The following JPH1 variants were observed in gnomAD, a reference collection of about 807,000 sequenced individuals.
JPH1 encodes junctophilin-1.
In JPH1, 12 loss-of-function variants were observed where a neutral mutation model predicts 53.6. That is an observed-to-expected ratio of 0.22 (90% CI 0.14 to 0.36). JPH1 has a LOEUF of 0.36. JPH1 is among the 10% of genes least tolerant of loss of function. The pLI, the probability that JPH1 is intolerant of heterozygous loss-of-function variation, is 1.00. For synonymous variants in JPH1, 375 were observed against 363.8 expected, an observed-to-expected ratio of 1.03 and a Z score of -0.35; for missense variants, 808 against 905.5, an observed-to-expected ratio of 0.89 and a Z score of 1.38.
intron 2 of JPH1, among the ~76,000 whole-genome samples, chr8:74,261,167 T>G (rs1806385187): frequency 1.3e-5 from 2 of 152,148 alleles, no homozygotes. Context: ...GATACTGTAG[T>G]GGGGGACATT....
chr8:74,290,813 C>T (rs1807302959), intron 2 of JPH1, among the ~76,000 whole-genome samples: 1 of 152,128 alleles, frequency 6.6e-6, no homozygotes, highest in Non-Finnish European at 1.5e-5. Context: ...ACAGAGCCCT[C>T]AGAAATAATA....
At chr8:74,319,604 T>C (rs1407237235) in intron 1 of JPH1, among the ~76,000 whole-genome samples, 1 of 152,242 alleles carries the variant, frequency 6.6e-6, no homozygotes, top group African/African-American at 2.4e-5. Context: ...TCTACCATTC[T>C]GCCATTTTGC....
intron 2 of JPH1, among the ~76,000 whole-genome samples, chr8:74,299,010 G>A (rs1263846768): frequency 3.9e-5 from 6 of 152,260 alleles, no homozygotes; most frequent in African/African-American, 1.4e-4. Flanking sequence ...CCACGAAGAC[G>A]ACACTGCCCA....
chr8:74,287,949 A>ACAAATAT (rs1268375072), intron 2 of JPH1, among the ~76,000 whole-genome samples: 3 of 151,692 alleles, frequency 2.0e-5, no homozygotes, highest in African/African-American at 7.3e-5. Context: ...TACTTGTTTT[A>ACAAATAT]GCTGACAATA....
Position 74,236,596 on chromosome 8 carries a change from TC to T in JPH1, c.*454del. On this transcript the variant is annotated 3_prime_UTR_variant, in exon 6 of 6. Coordinates refer to ENST00000342232, the MANE Select transcript of JPH1 (RefSeq NM_020647.4). Reference sequence around the variant, plus strand: ...CGACCGCATTCCTCGGGCAGTCGTTTCCCCAGCTCCCTACTAAAAACGTCAG... The same window carrying T: ...CGACCGCATTCCTCGGGCAGTCGTTTCCCAGCTCCCTACTAAAAACGTCAG... 1 of 150,622 alleles carries T rather than the reference TC, an allele frequency of 6.6e-6. No individual in the cohort carries two copies. Among genetic ancestry groups the T allele is most frequent in the Non-Finnish European group, 1.5e-5 (1 of 67,728 alleles). The allele number at this position is 150,622 out of a possible 1,614,324, so 9.3% of individuals were successfully genotyped here.
rs143960627 is a variant in JPH1, at chr8:74,268,504, C to T, written c.1140-9001G>A. On this transcript the variant is annotated intron_variant, in intron 2 of 5. Transcript: ENST00000342232. ...CCTTTGGACCAGAGGAAATAGACAG[C>T]GTGAAGTTAGGAACAAGTGAAAAAT... Among the ~76,000 whole-genome samples the T allele has an allele frequency of 1.4e-4, 21 of 152,024 alleles. No homozygotes were observed. In the East Asian group the frequency reaches 3.5e-3, roughly 25 times the overall value.
intron 3 of JPH1, among the ~76,000 whole-genome samples, chr8:74,245,899 C>G (rs1586732412): frequency 8.1e-6 from 1 of 124,018 alleles, no homozygotes; most frequent in African/African-American, 3.1e-5. Flanking sequence ...ATTCTTCTGA[C>G]AGAGGAGGAA....
intron 2 of JPH1, among the ~76,000 whole-genome samples, chr8:74,271,145 G>A (rs1806686975): frequency 2.0e-5 from 3 of 152,270 alleles, no homozygotes; most frequent in Middle Eastern, 6.8e-3. Context: ...TTTCCACGAG[G>A]CAGGAATTTC....
At chr8:74,252,495 A>G in intron 3 of JPH1, among the ~76,000 whole-genome samples, 1 of 152,154 alleles carries the variant, frequency 6.6e-6, no homozygotes, top group Admixed American at 6.5e-5. Context: ...ACTAATGAGC[A>G]AAATAACCAG....
chr8:74,265,843 T>C (rs1196219586), intron 2 of JPH1, among the ~76,000 whole-genome samples: 1 of 151,388 alleles, frequency 6.6e-6, no homozygotes, highest in African/African-American at 2.4e-5. Flanking sequence ...GACACAAATG[T>C]CCAATAAGCA....
intron 3 of JPH1, among the ~76,000 whole-genome samples, chr8:74,248,664 T>C (rs1303728368): frequency 6.6e-6 from 1 of 152,198 alleles, no homozygotes; most frequent in Non-Finnish European, 1.5e-5. Context: ...AATGAGGATA[T>C]ACAGTTAGAT....
chr8:74,252,221 A>G (rs1220895982), intron 3 of JPH1, among the ~76,000 whole-genome samples: 2 of 152,214 alleles, frequency 1.3e-5, no homozygotes, highest in Non-Finnish European at 2.9e-5. Context: ...TAAAAACCCT[A>G]GAAGAAAACC....
At chr8:74,293,889 G>T (rs1807415082) in intron 2 of JPH1, among the ~76,000 whole-genome samples, 1 of 152,156 alleles carries the variant, frequency 6.6e-6, no homozygotes, top group Admixed American at 6.5e-5. Context: ...GGAAGACAAA[G>T]ACACCGGGGG....
intron 2 of JPH1, among the ~76,000 whole-genome samples, chr8:74,272,143 T>A (rs1806717904): frequency 6.6e-6 from 1 of 152,294 alleles, no homozygotes; most frequent in East Asian, 1.9e-4. Context: ...CCTAAAATAA[T>A]CAACCCTGGC....
At chr8:74,308,756 A>C (rs1807907366) in intron 2 of JPH1, among the ~76,000 whole-genome samples, 1 of 152,164 alleles carries the variant, frequency 6.6e-6, no homozygotes, top group Admixed American at 6.5e-5. Context: ...GAAAACTTCC[A>C]CTATGAAGGA....
chr8:74,252,451 A>G lies in JPH1; in HGVS notation c.1258+6934T>C, dbSNP rs186327407. On this transcript the variant is annotated intron_variant, in intron 3 of 5. Coordinates refer to ENST00000342232, the MANE Select transcript of JPH1 (RefSeq NM_020647.4). ...GACAAAGGGCTAATATCCAGAATCT[A>G]GAAAGAACTCAAGGCTAGGAAGAAA... Among the ~76,000 whole-genome samples, 18 of 152,144 alleles carry G rather than the reference A, an allele frequency of 1.2e-4. No homozygotes were observed. In the East Asian group the frequency reaches 3.5e-3, roughly 29 times the overall value.
chr8:74,315,670 GTCACCTGCACCA>G lies in JPH1; in HGVS notation c.380-62_380-51del. 6.6e-7 allele frequency: 1 copy of G among 1,522,116 alleles called. No individual in the cohort carries two copies. Among genetic ancestry groups the G allele is most frequent in the South Asian group, 1.2e-5 (1 of 80,626 alleles). The allele number at this position is 1,522,116 out of a possible 1,614,324, so 94.3% of individuals were successfully genotyped here. A position where few individuals can be genotyped will look rare whatever the true frequency, so the allele number is the denominator to read the frequency against. Reference sequence around the variant, plus strand: ...CGTGAGTCGGGGGCAGAGCTGCACCGTCACCTGCACCATCCAGCGCACACTGGCGCAGGCCTG... The same window carrying G: ...CGTGAGTCGGGGGCAGAGCTGCACCGTCCAGCGCACACTGGCGCAGGCCTG... On this transcript the variant is annotated intron_variant, in intron 1 of 5. Coordinates refer to ENST00000342232, the MANE Select transcript of JPH1 (RefSeq NM_020647.4). The surrounding 1 kb of genome is among the most constrained non-coding windows in gnomAD (Gnocchi z 6.3).
At chr8:74,298,469 C>T (rs1211845306) in intron 2 of JPH1, among the ~76,000 whole-genome samples, 1 of 152,172 alleles carries the variant, frequency 6.6e-6, no homozygotes, top group Non-Finnish European at 1.5e-5. Flanking sequence ...AAATCACTCT[C>T]CTCACATGTT....
At chr8:74,279,109 G>T (rs1380853408) in intron 2 of JPH1, among the ~76,000 whole-genome samples, 7 of 152,152 alleles carry the variant, frequency 4.6e-5, no homozygotes, top group South Asian at 2.1e-4. Context: ...GAAACACCAT[G>T]TCCCTATTTC....
Sources: gnomAD v4.1 joint callset for allele counts (sites outside exome capture counted in the v4.1 genomes callset) on GRCh38, gnomAD v4.1.1 for gene constraint, Gnocchi (gnomAD v3.1) non-coding constraint, MANE v1.5 for transcripts, NCBI Gene and HGNC (gene_info 2026-07-23, HGNC 2026-07-21) for gene names.